Variants in CACHD1 observed in about 807,000 individuals in gnomAD.
The protein encoded by CACHD1 is VWFA and cache domain-containing protein 1.
CACHD1 carries 71 observed loss-of-function variants against 138.7 expected under a neutral mutation model. The ratio of observed to expected loss-of-function variants is 0.51; its 90% confidence interval spans 0.42 to 0.62. The LOEUF (loss-of-function observed/expected upper bound fraction) is 0.62, where lower values mean the gene tolerates loss of function less well. CACHD1 is among the 20% of genes least tolerant of loss of function. The pLI, the probability that CACHD1 is intolerant of heterozygous loss-of-function variation, is 0.00. For missense variants in CACHD1, 1,389 were observed against 1,625.3 expected (o/e 0.85, Z 2.50); for synonymous variants, 578 against 591.5 (o/e 0.98, Z 0.33).
intron 1 of CACHD1, among the ~76,000 whole-genome samples, chr1:64,541,025 C>A (rs944012164): frequency 6.6e-6 from 1 of 151,758 alleles, no homozygotes; most frequent in Non-Finnish European, 1.5e-5. Context: ...CACGCACATA[C>A]GAATACTTAA....
chr1:64,552,895 G>C (rs77805650), intron 2 of CACHD1, among the ~76,000 whole-genome samples: 1 of 152,092 alleles, frequency 6.6e-6, no homozygotes, highest in Non-Finnish European at 1.5e-5. Context: ...GGGAATTATC[G>C]TACAATCTAT....
At chr1:64,586,734 T>C (rs1474370597) in intron 3 of CACHD1, among the ~76,000 whole-genome samples, 1 of 152,188 alleles carries the variant, frequency 6.6e-6, no homozygotes, top group African/African-American at 2.4e-5. Flanking sequence ...AGTTTTTTTT[T>C]CTCTACTGGC....
At chr1:64,554,891 T>C (rs1570361363) in intron 2 of CACHD1, among the ~76,000 whole-genome samples, 2 of 152,352 alleles carry the variant, frequency 1.3e-5, no homozygotes, top group Admixed American at 1.3e-4. Context: ...TACATGTGGC[T>C]GGTAGTTACC....
chr1:64,671,691 G>A lies in CACHD1; in HGVS notation c.2510+5G>A. ...AGATGGTGGCAACAAAATAAGGTAA[G>A]TGCTTTGGGGATGCTATTTCCTTTC... On this transcript the variant is annotated splice_donor_5th_base_variant and intron_variant, in intron 17 of 26. Transcript: ENST00000651257. 1.2e-6 allele frequency: 2 copies of A among 1,613,970 alleles called. No homozygotes were observed. The highest frequency in any genetic ancestry group is 1.7e-6 in the Non-Finnish European group (2 of 1,179,892).
chr1:64,522,421 C>T (rs1161431652), intron 1 of CACHD1, among the ~76,000 whole-genome samples: 1 of 152,064 alleles, frequency 6.6e-6, no homozygotes, highest in Non-Finnish European at 1.5e-5. Context: ...AATTCTCCTG[C>T]CTCAGCCTCC....
chr1:64,481,712 G>A (rs1646212473), intron 1 of CACHD1, among the ~76,000 whole-genome samples: 1 of 152,176 alleles, frequency 6.6e-6, no homozygotes, highest in Non-Finnish European at 1.5e-5. Context: ...GAGCTGATAA[G>A]GCTTATGTTA....
chr1:64,656,921 A>G (rs1342918787), intron 12 of CACHD1, among the ~76,000 whole-genome samples: 1 of 152,210 alleles, frequency 6.6e-6, no homozygotes, highest in Non-Finnish European at 1.5e-5. Flanking sequence ...TTCTTCTAAT[A>G]TAATCCAAAT....
intron 1 of CACHD1, among the ~76,000 whole-genome samples, chr1:64,534,712 G>T (rs778829682): frequency 6.6e-6 from 1 of 152,252 alleles, no homozygotes; most frequent in African/African-American, 2.4e-5. Context: ...CTGGCCCATA[G>T]CCTGTGCTCA....
At chr1:64,665,832 G>A (rs548482594) in intron 15 of CACHD1, among the ~76,000 whole-genome samples, 85 of 152,048 alleles carry the variant, frequency 5.6e-4, no homozygotes, top group East Asian at 3.5e-3. Flanking sequence ...GTGAAACCCC[G>A]TCTCTACTAA....
intron 8 of CACHD1, among the ~76,000 whole-genome samples, chr1:64,643,066 A>AAAAAAAC (rs1648779254): frequency 6.8e-6 from 1 of 146,232 alleles, no homozygotes; most frequent in African/African-American, 2.6e-5. Context: ...AAAAAAAAAA[A>AAAAAAAC]AAAAAGCCAT....
At chr1:64,562,353 A>ATT (rs56101222) in intron 2 of CACHD1, among the ~76,000 whole-genome samples, 5 of 148,502 alleles carry the variant, frequency 3.4e-5, no homozygotes, top group African/African-American at 1.3e-4. Context: ...CTCTTTTTAA[A>ATT]TTTTTTTTCT....
intron 5 of CACHD1, among the ~76,000 whole-genome samples, chr1:64,630,224 C>T (rs1648253279): frequency 6.6e-6 from 1 of 151,502 alleles, no homozygotes; most frequent in Non-Finnish European, 1.5e-5. Context: ...ATTACTTTAG[C>T]TTCCCTTCAT....
intron 16 of CACHD1, among the ~76,000 whole-genome samples, chr1:64,670,259 A>G (rs1046907077): frequency 1.3e-5 from 2 of 152,190 alleles, no homozygotes; most frequent in Non-Finnish European, 2.9e-5. Flanking sequence ...GCAACATAGC[A>G]AGACCCCATC....
At chr1:64,533,913 C>T (rs1378491041) in intron 1 of CACHD1, among the ~76,000 whole-genome samples, 6 of 151,688 alleles carry the variant, frequency 4.0e-5, no homozygotes, top group Non-Finnish European at 7.4e-5. Context: ...CCACCACATC[C>T]GGCTAATTTT....
intron 4 of CACHD1, among the ~76,000 whole-genome samples, chr1:64,614,775 G>A (rs2100602988): frequency 6.6e-6 from 1 of 152,212 alleles, no homozygotes; most frequent in African/African-American, 2.4e-5. Flanking sequence ...AATGAGTCTT[G>A]AATCCCCTTT....
At chr1:64,572,648 C>T (rs1323867134) in intron 2 of CACHD1, among the ~76,000 whole-genome samples, 1 of 152,180 alleles carries the variant, frequency 6.6e-6, no homozygotes, top group African/African-American at 2.4e-5. Flanking sequence ...TCCCAGGGCT[C>T]AGCCTCCCCC....
intron 1 of CACHD1, among the ~76,000 whole-genome samples, chr1:64,486,391 C>CAT (rs766611243): frequency 7.2e-6 from 1 of 138,810 alleles, no homozygotes; most frequent in Admixed American, 7.4e-5. Context: ...CACACACACA[C>CAT]ATACACATAC....
At chr1:64,566,371 A>G (rs1052697543) in intron 2 of CACHD1, among the ~76,000 whole-genome samples, 1 of 152,032 alleles carries the variant, frequency 6.6e-6, no homozygotes, top group Non-Finnish European at 1.5e-5. Context: ...GACAAGAAAA[A>G]TTATGCACAA....
intron 13 of CACHD1, among the ~76,000 whole-genome samples, chr1:64,660,895 G>T (rs1364537185): frequency 2.6e-5 from 4 of 152,136 alleles, no homozygotes; most frequent in Non-Finnish European, 4.4e-5. Context: ...TTGCATTTCA[G>T]TTGGACAGCA....
Sources: gnomAD v4.1 joint callset for allele counts (sites outside exome capture counted in the v4.1 genomes callset) on GRCh38, gnomAD v4.1.1 for gene constraint, MANE v1.5 for transcripts, NCBI Gene and HGNC (gene_info 2026-07-23, HGNC 2026-07-21) for gene names.